The following NBAS variants were observed in gnomAD, a reference collection of about 807,000 sequenced individuals.
The protein encoded by NBAS is NBAS subunit of NRZ tethering complex, also known as NAG/BC035112 fusion.
Under a neutral mutation model 302.5 loss-of-function variants are expected in NBAS, and 219 were observed. That is an observed-to-expected ratio of 0.72 (90% CI 0.65 to 0.81). The LOEUF is 0.81. NBAS is among the 30% of genes least tolerant of loss of function. The pLI is 0.00. For missense variants in NBAS, 2,932 were observed against 2,841.6 expected (o/e 1.03, Z -0.72); for synonymous variants, 1,118 against 1,021.6 (o/e 1.09, Z -1.80).
the NBAS span, among the ~76,000 whole-genome samples, chr2:15,148,850 G>A: frequency 6.6e-6 from 1 of 152,064 alleles, no homozygotes; most frequent in Non-Finnish European, 1.5e-5. Context: ...AATTGGCCTA[G>A]GAAACAAAGA....
At chr2:15,457,607 C>T (rs78608286) in intron 21 of NBAS, among the ~76,000 whole-genome samples, 2,038 of 152,312 alleles carry the variant, frequency 0.013, 35 homozygotes, top group East Asian at 0.06. Context: ...ATCACTCGTG[C>T]TGAAGAGGAG....
chr2:15,436,526 T>C (rs1678024117), intron 21 of NBAS, among the ~76,000 whole-genome samples: 1 of 152,136 alleles, frequency 6.6e-6, no homozygotes, highest in Non-Finnish European at 1.5e-5. Context: ...AAAATGTTGA[T>C]ATAAAATATT....
chr2:15,171,279 G>A (rs975131738), intron 51 of NBAS, among the ~76,000 whole-genome samples: 3 of 151,994 alleles, frequency 2.0e-5, no homozygotes, highest in Non-Finnish European at 2.9e-5. Context: ...GCTGTGTGAC[G>A]GTAATTTGTA....
chr2:15,275,628 A>C lies in NBAS; in HGVS notation c.5580T>G (p.Pro1860=). ...AGCCTGGGACTTGTTTAATGAGATG[A>C]GGGTCTCCAGTCCAGAACAACTTCT... ...WLQKLFWTGD[P]HLIKQVPGSS... is the part of the protein sequence containing the mutation. Residue 1860 remains proline (P), a synonymous_variant, in exon 44 of 52, where the codon CCT becomes CCG. Transcript: ENST00000281513. 1.9e-6 allele frequency: 3 copies of C among 1,614,176 alleles called. No individual in the cohort carries two copies. The highest frequency in any genetic ancestry group is 2.5e-6 in the Non-Finnish European group (3 of 1,180,034).
At chr2:14,920,640 A>G in the NBAS span, among the ~76,000 whole-genome samples, 1 of 152,178 alleles carries the variant, frequency 6.6e-6, no homozygotes, top group Non-Finnish European at 1.5e-5. Context: ...ATAACTTACT[A>G]CAGCTTCTAC....
chr2:15,178,595 T>C (rs1664663851), intron 51 of NBAS, among the ~76,000 whole-genome samples: 1 of 152,174 alleles, frequency 6.6e-6, no homozygotes, highest in African/African-American at 2.4e-5. Context: ...GTGGATAACC[T>C]AACACACACA....
chr2:15,314,342 CAG>C (rs1178619587), intron 38 of NBAS, among the ~76,000 whole-genome samples: 3 of 152,180 alleles, frequency 2.0e-5, no homozygotes, highest in Admixed American at 1.3e-4. Context: ...GCCTGGGCAA[CAG>C]AGAGAGACTC....
the NBAS span, among the ~76,000 whole-genome samples, chr2:15,067,526 G>C: frequency 2.6e-5 from 4 of 151,526 alleles, no homozygotes; most frequent in African/African-American, 9.7e-5. Context: ...CCTACCACGT[G>C]CCACAACATG....
At chr2:15,509,038 T>C (rs561705731) in intron 10 of NBAS, among the ~76,000 whole-genome samples, 4 of 152,312 alleles carry the variant, frequency 2.6e-5, no homozygotes, top group East Asian at 1.9e-4. Flanking sequence ...ACATCTTGCA[T>C]ATAAAACTAG....
chr2:14,837,894 C>T, the NBAS span, among the ~76,000 whole-genome samples: 1 of 151,814 alleles, frequency 6.6e-6, no homozygotes, highest in Admixed American at 6.6e-5. Context: ...AGTATTTACG[C>T]TAGTCTCCTA....
At chr2:14,836,963 T>G in the NBAS span, among the ~76,000 whole-genome samples, 1 of 151,906 alleles carries the variant, frequency 6.6e-6, no homozygotes, top group Non-Finnish European at 1.5e-5. Context: ...ATGTGTATTT[T>G]TATTATTGCA....
chr2:15,218,724 G>C, intron 48 of NBAS, 49 bp downstream of exon 48: 1 of 1,611,638 alleles, frequency 6.2e-7, no homozygotes, highest in Non-Finnish European at 8.5e-7. Flanking sequence ...AACCGCGTCC[G>C]GCCTAATTAT....
At chr2:15,427,816 G>T (rs756378484) in intron 21 of NBAS, 22 bp from the exon 22 acceptor site, 18 of 1,574,960 alleles carry the variant, frequency 1.1e-5, no homozygotes, top group Non-Finnish European at 1.6e-5. Context: ...AAAAAAATAA[G>T]TGTTTAAAAT....
the NBAS span, among the ~76,000 whole-genome samples, chr2:15,072,927 C>T: frequency 2.7e-3 from 412 of 152,166 alleles, 1 homozygote; most frequent in Admixed American, 6.9e-3. Flanking sequence ...CTCAGGAGTT[C>T]GAGACCAGCC....
At chr2:14,893,733 C>T in the NBAS span, among the ~76,000 whole-genome samples, 2 of 152,292 alleles carry the variant, frequency 1.3e-5, no homozygotes, top group South Asian at 4.2e-4. Context: ...CCCTACTCCC[C>T]ACCCCAGTCC....
At chr2:15,311,122 T>A (rs1465844594) in intron 38 of NBAS, among the ~76,000 whole-genome samples, 1 of 152,224 alleles carries the variant, frequency 6.6e-6, no homozygotes, top group Admixed American at 6.5e-5. Flanking sequence ...ATGTATTACA[T>A]AACACCCTAA....
At chr2:15,471,735 G>T (rs1237497729) in intron 16 of NBAS, among the ~76,000 whole-genome samples, 1 of 152,178 alleles carries the variant, frequency 6.6e-6, no homozygotes, top group Non-Finnish European at 1.5e-5. Context: ...GAGGCCCCAT[G>T]ATAGGATTGG....
intron 10 of NBAS, among the ~76,000 whole-genome samples, chr2:15,506,164 T>C (rs1661839526): frequency 6.6e-6 from 1 of 151,996 alleles, no homozygotes; most frequent in African/African-American, 2.4e-5. Context: ...AACATTTGGA[T>C]TGCCAGAGAA....
At chr2:15,478,016 A>G (rs1252725124) in intron 13 of NBAS, among the ~76,000 whole-genome samples, 1 of 38,474 alleles carries the variant, frequency 2.6e-5, no homozygotes, top group East Asian at 2.9e-4. Flanking sequence ...GTACCATCTC[A>G]ATGCTGGCTC....
Sources: gnomAD v4.1 joint callset for allele counts (sites outside exome capture counted in the v4.1 genomes callset) on GRCh38, gnomAD v4.1.1 for gene constraint, MANE v1.5 for transcripts, NCBI Gene and HGNC (gene_info 2026-07-23, HGNC 2026-07-21) for gene names.